The following REPS2 variants were observed in gnomAD, a reference collection of about 807,000 sequenced individuals.
The protein encoded by REPS2 is RALBP1 associated Eps domain containing 2.
Under a neutral mutation model 53.6 loss-of-function variants are expected in REPS2, and 23 were observed. The ratio of observed to expected loss-of-function variants is 0.43; its 90% CI spans 0.31 to 0.61. REPS2 has a LOEUF of 0.61. REPS2 is among the 20% of genes least tolerant of loss of function. The probability of loss-of-function intolerance (pLI) is 0.11; values close to 1 mark genes in which losing one functional copy is unlikely to be tolerated. For synonymous variants in REPS2, 238 were observed against 218.6 expected (o/e 1.09, Z -0.78); for missense variants, 446 against 534.9 (o/e 0.83, Z 1.64).
intron 14 of REPS2, among the ~76,000 whole-genome samples, chrX:17,109,573 A>C (rs970331587): frequency 9.0e-6 from 1 of 111,147 alleles, no homozygotes; most frequent in Non-Finnish European, 1.9e-5. Flanking sequence ...CCTGGGAGTC[A>C]AGGGATTCTT....
rs111372577 is a variant in REPS2 at position 16,989,150 on chromosome X, G to A, written c.274-17071G>A. Among the ~76,000 whole-genome samples the A allele has an allele frequency of 5.3e-3, 582 of 110,204 alleles. 5 individuals carry two copies. Among genetic ancestry groups the A allele is most frequent in the African/African-American group, 0.018 (557 of 30,338 alleles). The stretch of plus-strand genomic sequence containing the variant: ...AACCTAGAAATAGACCAACAGAAAT[G>A]TGCCCAATTGATCTTTGACAAAATT... On this transcript the variant is annotated intron_variant, in intron 1 of 17. Transcript: ENST00000357277.
intron 17 of REPS2, among the ~76,000 whole-genome samples, chrX:17,142,585 G>T (rs1478749844): frequency 8.9e-6 from 1 of 112,019 alleles, no homozygotes; most frequent in African/African-American, 3.2e-5. Context: ...TATAAAGATG[G>T]CAAATAAGTA....
chrX:17,155,934 A>C (rs753162849), downstream of REPS2, among the ~76,000 whole-genome samples: 1 of 111,857 alleles, frequency 8.9e-6, no homozygotes, highest in Admixed American at 9.5e-5. Flanking sequence ...CAAGAAGTCT[A>C]TCAAAGGGCA....
At chrX:17,022,366 A>C in intron 3 of REPS2, 95 bp downstream of exon 3, 142 of 789,052 alleles carry the variant, frequency 1.8e-4, no homozygotes, top group Middle Eastern at 3.1e-4. Context: ...AGCAAATCTC[A>C]CCATCTGGAA....
the REPS2 span, among the ~76,000 whole-genome samples, chrX:17,180,940 T>C: frequency 8.9e-6 from 1 of 112,216 alleles, no homozygotes; most frequent in South Asian, 3.7e-4. Context: ...CCATGCTGTC[T>C]CTTGCTGGCA....
intron 6 of REPS2, among the ~76,000 whole-genome samples, chrX:17,050,199 T>TTTTCTTTTC (rs1329968988): frequency 6.4e-4 from 44 of 68,452 alleles, no homozygotes; most frequent in Non-Finnish European, 9.0e-4. Context: ...TCTTTCTTTT[T>TTTTCTTTTC]TTTTTTTTTT....
At chrX:17,182,549 G>A in the REPS2 span, among the ~76,000 whole-genome samples, 1 of 112,126 alleles carries the variant, frequency 8.9e-6, no homozygotes, top group Admixed American at 9.5e-5. Flanking sequence ...CAAGGGGACA[G>A]TGAGCATGAC....
At chrX:17,158,083 A>G (rs2148200011), downstream of REPS2, among the ~76,000 whole-genome samples, 1 of 110,577 alleles carries the variant, frequency 9.0e-6, no homozygotes, top group East Asian at 2.8e-4. Context: ...TCCCACAGTA[A>G]TCCCCTTTTG....
intron 2 of REPS2, among the ~76,000 whole-genome samples, chrX:17,019,955 A>G (rs944530393): frequency 1.8e-5 from 2 of 112,567 alleles, no homozygotes; most frequent in African/African-American, 6.4e-5. Context: ...GAATATTATT[A>G]TGTATGGTTA....
chrX:16,980,342 C>T (rs576639578), intron 1 of REPS2, among the ~76,000 whole-genome samples: 2 of 109,489 alleles, frequency 1.8e-5, no homozygotes, highest in African/African-American at 3.3e-5. Context: ...CTCACTCTGT[C>T]GCCAGGCTGG....
At chrX:16,982,763 T>G (rs750343264) in intron 1 of REPS2, among the ~76,000 whole-genome samples, 1 of 112,232 alleles carries the variant, frequency 8.9e-6, no homozygotes, top group South Asian at 3.7e-4. Flanking sequence ...CTCTTTTCCT[T>G]TCTGCCATGA....
At position 16,973,680 on chromosome X, in the gene REPS2, A is replaced by T. The variant is rs186856876; in HGVS notation, c.273+26546A>T. On this transcript the variant is annotated intron_variant, in intron 1 of 17. Coordinates refer to ENST00000357277, the MANE Select transcript of REPS2 (RefSeq NM_004726.3). ...AACTTCAAACTGACAGAAAATAGGGATGCAAGAATAGTACCAGGAAATCCT... is the reference window on the plus strand; with the variant it reads ...AACTTCAAACTGACAGAAAATAGGGTTGCAAGAATAGTACCAGGAAATCCT... Among the ~76,000 whole-genome samples, 9 of 111,750 alleles carry T rather than the reference A, an allele frequency of 8.1e-5. No homozygotes were observed. The East Asian group carries it at 1.4e-3, about 17-fold the overall frequency.
intron 11 of REPS2, among the ~76,000 whole-genome samples, chrX:17,071,415 G>T (rs773142646): frequency 2.8e-5 from 3 of 108,349 alleles, no homozygotes; most frequent in Non-Finnish European, 3.8e-5. Flanking sequence ...GTCCTCTGGG[G>T]CATGAGCTTT....
At chrX:16,983,736 C>T (rs770845740) in intron 1 of REPS2, among the ~76,000 whole-genome samples, 6 of 112,698 alleles carry the variant, frequency 5.3e-5, no homozygotes, top group Non-Finnish European at 1.1e-4. Context: ...AACTTTTGGC[C>T]TCCTGTGATC....
intron 5 of REPS2, among the ~76,000 whole-genome samples, chrX:17,043,511 C>G (rs950028739): frequency 1.8e-4 from 20 of 109,291 alleles, no homozygotes; most frequent in South Asian, 4.2e-4. Flanking sequence ...CTTGCCCCCC[C>G]CCCCGGCTTT....
intron 13 of REPS2, among the ~76,000 whole-genome samples, chrX:17,088,213 A>G (rs1052553312): frequency 8.9e-6 from 1 of 111,834 alleles, no homozygotes; most frequent in African/African-American, 3.3e-5. Context: ...ACCTGAAAAC[A>G]TATACAGAAA....
intron 14 of REPS2, among the ~76,000 whole-genome samples, chrX:17,104,763 C>T (rs959532184): frequency 1.2e-4 from 13 of 111,973 alleles, no homozygotes; most frequent in African/African-American, 1.6e-4. Flanking sequence ...TATAAACCAG[C>T]GAGAACTCCT....
intron 2 of REPS2, among the ~76,000 whole-genome samples, chrX:17,008,668 G>A (rs2061390631): frequency 8.9e-6 from 1 of 111,771 alleles, no homozygotes; most frequent in South Asian, 3.7e-4. Flanking sequence ...CAAACTTTGA[G>A]CTGCCACTTA....
intron 17 of REPS2, among the ~76,000 whole-genome samples, chrX:17,143,190 A>G (rs1439704915): frequency 8.9e-6 from 1 of 112,133 alleles, no homozygotes; most frequent in Admixed American, 9.4e-5. Flanking sequence ...GAGTAGTCCC[A>G]GGGAACTTTT....
Sources: allele counts gnomAD v4.1 joint callset (sites outside exome capture counted in the v4.1 genomes callset), GRCh38; gene constraint gnomAD v4.1.1; transcripts MANE v1.5; gene names NCBI Gene and HGNC (gene_info 2026-07-23, HGNC 2026-07-21).